The following CDKAL1 variants were observed in gnomAD, a reference collection of about 807,000 sequenced individuals.
CDKAL1 encodes CDKAL1 threonylcarbamoyladenosine tRNA methylthiotransferase.
A neutral mutation model predicts 68.2 loss-of-function variants in CDKAL1; 32 were observed. The observed-to-expected ratio is 0.47, with a 90% CI of 0.35 to 0.63. CDKAL1 has a LOEUF of 0.63. Ranked by LOEUF, CDKAL1 falls within the 30% of genes least tolerant of loss-of-function variation. The pLI is 0.00. For synonymous variants in CDKAL1, 234 were observed against 244.3 expected (o/e 0.96, Z 0.39); for missense variants, 606 against 696.7 (o/e 0.87, Z 1.47).
chr6:20,790,724 G>T (rs761121621), intron 8 of CDKAL1, among the ~76,000 whole-genome samples: 4 of 152,184 alleles, frequency 2.6e-5, no homozygotes, highest in Admixed American at 1.3e-4. Flanking sequence ...GGGCAGAGAA[G>T]AATTTTCTTG....
At chr6:21,087,903 G>A (rs1772783758) in intron 12 of CDKAL1, among the ~76,000 whole-genome samples, 1 of 152,082 alleles carries the variant, frequency 6.6e-6, no homozygotes, top group African/African-American at 2.4e-5. Flanking sequence ...CTGAAGTCAA[G>A]CCGCTTCTCT....
At chr6:20,738,922 G>C (rs1204198962) in intron 5 of CDKAL1, among the ~76,000 whole-genome samples, 1 of 152,170 alleles carries the variant, frequency 6.6e-6, no homozygotes, top group Admixed American at 6.5e-5. Context: ...GCACCAGCTT[G>C]TTTTCCCATA....
At chr6:20,659,194 T>C (rs1769170099) in intron 5 of CDKAL1, among the ~76,000 whole-genome samples, 1 of 152,170 alleles carries the variant, frequency 6.6e-6, no homozygotes, top group Non-Finnish European at 1.5e-5. Context: ...ATCACAGGGT[T>C]TTGATTTGGC....
chr6:21,028,774 A>G (rs1769098739), intron 11 of CDKAL1, among the ~76,000 whole-genome samples: 2 of 152,194 alleles, frequency 1.3e-5, no homozygotes, highest in Non-Finnish European at 2.9e-5. Flanking sequence ...AGAGACTTAA[A>G]GTGGCTCAAA....
chr6:21,026,924 C>G (rs1197324664), intron 11 of CDKAL1, among the ~76,000 whole-genome samples: 2 of 152,132 alleles, frequency 1.3e-5, no homozygotes, highest in Non-Finnish European at 1.5e-5. Flanking sequence ...TCCTTGTATT[C>G]TCTCTTCTTC....
intron 5 of CDKAL1, among the ~76,000 whole-genome samples, chr6:20,707,560 A>G (rs1771659082): frequency 6.6e-6 from 1 of 152,204 alleles, no homozygotes; most frequent in Non-Finnish European, 1.5e-5. Context: ...TGGGGTAACC[A>G]TATAATTCAG....
At chr6:20,610,499 C>CA (rs1554163006) in intron 4 of CDKAL1, among the ~76,000 whole-genome samples, 1 of 148,368 alleles carries the variant, frequency 6.7e-6, no homozygotes, top group Non-Finnish European at 1.5e-5. Flanking sequence ...GTTTTTTTTT[C>CA]TTTTTTTTTG....
At chr6:20,896,631 A>C (rs1430290518) in intron 9 of CDKAL1, among the ~76,000 whole-genome samples, 4 of 152,202 alleles carry the variant, frequency 2.6e-5, no homozygotes, top group African/African-American at 9.6e-5. Context: ...GCTTAGAAAT[A>C]AATATATATG....
At chr6:20,649,191 A>G (rs1768628754) in intron 4 of CDKAL1, 102 bp from the exon 5 acceptor site, 4 of 735,772 alleles carry the variant, frequency 5.4e-6, no homozygotes, top group Admixed American at 2.6e-5. Flanking sequence ...ATTTTACTCC[A>G]CTGTTTTTCT....
intron 4 of CDKAL1, among the ~76,000 whole-genome samples, chr6:20,594,355 C>T (rs1020274904): frequency 5.3e-5 from 8 of 152,076 alleles, no homozygotes; most frequent in African/African-American, 9.7e-5. Flanking sequence ...TGAATCGGGG[C>T]GCTCCTGTAT....
intron 15 of CDKAL1, among the ~76,000 whole-genome samples, chr6:21,223,479 T>C (rs1244703203): frequency 6.6e-6 from 1 of 152,228 alleles, no homozygotes; most frequent in Non-Finnish European, 1.5e-5. Context: ...TCCTCTGCCT[T>C]TCTCGCTGAA....
At chr6:20,640,979 TC>T (rs1310178800) in intron 4 of CDKAL1, among the ~76,000 whole-genome samples, 1 of 152,218 alleles carries the variant, frequency 6.6e-6, no homozygotes, top group Non-Finnish European at 1.5e-5. Flanking sequence ...TTATTACTAA[TC>T]AGATTTTTAT....
intron 9 of CDKAL1, among the ~76,000 whole-genome samples, chr6:20,923,114 T>A (rs1287324366): frequency 6.6e-6 from 1 of 152,070 alleles, no homozygotes; most frequent in Non-Finnish European, 1.5e-5. Flanking sequence ...AGAAACAGGG[T>A]CTTGCCATGT....
At chr6:20,777,439 C>G (rs1162321117) in intron 7 of CDKAL1, among the ~76,000 whole-genome samples, 2 of 152,018 alleles carry the variant, frequency 1.3e-5, no homozygotes, top group Non-Finnish European at 2.9e-5. Flanking sequence ...ATGGCAAGAC[C>G]TCATCTCTAT....
chr6:20,819,264 G>A (rs1479063862), intron 8 of CDKAL1, among the ~76,000 whole-genome samples: 1 of 151,830 alleles, frequency 6.6e-6, no homozygotes, highest in Non-Finnish European at 1.5e-5. Flanking sequence ...TGGCCAAGGT[G>A]ACAGTCTTCT....
intron 5 of CDKAL1, among the ~76,000 whole-genome samples, chr6:20,666,366 A>G (rs545139978): frequency 7.2e-5 from 11 of 151,952 alleles, no homozygotes; most frequent in Admixed American, 2.6e-4. Flanking sequence ...TTGAATTGCT[A>G]TAATCTTCTG....
chr6:20,792,495 T>C (rs1349970629), intron 8 of CDKAL1, among the ~76,000 whole-genome samples: 2 of 152,240 alleles, frequency 1.3e-5, no homozygotes, highest in Admixed American at 6.5e-5. Context: ...TTTTATGTAC[T>C]GTTCTGTTAC....
intron 5 of CDKAL1, among the ~76,000 whole-genome samples, chr6:20,683,773 A>G (rs1361603560): frequency 6.6e-6 from 1 of 152,144 alleles, no homozygotes; most frequent in Non-Finnish European, 1.5e-5. Context: ...TTGGTATGGT[A>G]TTTTCTATGG....
intron 4 of CDKAL1, among the ~76,000 whole-genome samples, chr6:20,582,695 G>T (rs1166768095): frequency 6.6e-6 from 1 of 152,080 alleles, no homozygotes; most frequent in Non-Finnish European, 1.5e-5. Flanking sequence ...TTTTCCTCCT[G>T]TAGAAGCATG....
Sources: allele counts gnomAD v4.1 joint callset (sites outside exome capture counted in the v4.1 genomes callset), GRCh38; gene constraint gnomAD v4.1.1; transcripts MANE v1.5; gene names NCBI Gene and HGNC (gene_info 2026-07-23, HGNC 2026-07-21).